RCAN2: variants seen among roughly 807,000 people sequenced by gnomAD.
RCAN2 encodes the protein calcipressin-2.
A neutral mutation model predicts 23.6 loss-of-function variants in RCAN2; 9 were observed. The observed-to-expected ratio is 0.38, with a 90% CI of 0.23 to 0.67. RCAN2 has a LOEUF of 0.67. RCAN2 is among the 30% of genes least tolerant of loss of function. The pLI, the probability that RCAN2 is intolerant of heterozygous loss-of-function variation, is 0.51. For missense variants in RCAN2, 273 were observed against 302.3 expected (o/e 0.90, Z 0.72); for synonymous variants, 109 against 115.7 (o/e 0.94, Z 0.37).
intron 2 of RCAN2, among the ~76,000 whole-genome samples, chr6:46,372,741 T>A (rs1298777761): frequency 6.6e-6 from 1 of 152,206 alleles, no homozygotes; most frequent in East Asian, 1.9e-4. Context: ...ATAAGAGAAG[T>A]CCTGGAGCAA....
In RCAN2 at chr6:46,333,053, TG is replaced by T. The variant is rs1479723887; in HGVS notation, c.226-84158del. Among the ~76,000 whole-genome samples, 11 of 152,366 alleles carry T rather than the reference TG, an allele frequency of 7.2e-5. 1 individual carries two copies. The South Asian group carries it at 2.1e-3, about 29-fold the overall frequency. On this transcript the variant is annotated intron_variant, in intron 2 of 4. Transcript: ENST00000371374. ...GTGGTTTTGATTTCCATTTCTCTGA[TG>T]GCCAGTGATGATGAGCATTTTTTCA...
chr6:46,307,576 T>C (rs952725468), intron 2 of RCAN2, among the ~76,000 whole-genome samples: 1 of 152,178 alleles, frequency 6.6e-6, no homozygotes, highest in African/African-American at 2.4e-5. Flanking sequence ...CAAATATATG[T>C]TGTGCTCCTG....
At chr6:46,286,207 CA>C (rs1224300765) in intron 2 of RCAN2, among the ~76,000 whole-genome samples, 1 of 152,162 alleles carries the variant, frequency 6.6e-6, no homozygotes, top group Admixed American at 6.5e-5. Flanking sequence ...TCCAACTGTT[CA>C]AACTGTTCGA....
At chr6:46,380,868 G>A (rs1765601208) in intron 2 of RCAN2, among the ~76,000 whole-genome samples, 1 of 151,794 alleles carries the variant, frequency 6.6e-6, no homozygotes, top group Admixed American at 6.6e-5. Context: ...TTTAAAATAA[G>A]GATAAAATAA....
At chr6:46,436,412 T>G (rs1046345637) in intron 2 of RCAN2, among the ~76,000 whole-genome samples, 30 of 152,104 alleles carry the variant, frequency 2.0e-4, no homozygotes, top group African/African-American at 7.0e-4. Flanking sequence ...ACGGGGTTTC[T>G]CCATGTTGGC....
chr6:46,446,660 G>A (rs913996584), intron 2 of RCAN2, among the ~76,000 whole-genome samples: 1 of 151,906 alleles, frequency 6.6e-6, no homozygotes, highest in Non-Finnish European at 1.5e-5. Flanking sequence ...ATTTGTTAAG[G>A]GATACATAAT....
chr6:46,407,240 C>T (rs1766429733), intron 2 of RCAN2, among the ~76,000 whole-genome samples: 1 of 152,150 alleles, frequency 6.6e-6, no homozygotes, highest in African/African-American at 2.4e-5. Context: ...CTTTCAGGAC[C>T]TTTGGTAGAG....
rs114250573 is a variant in RCAN2, at chr6:46,471,848, T to C, written c.-2-14870A>G. Among the ~76,000 whole-genome samples the C allele has an allele frequency of 9.3e-3, 1,418 of 152,188 alleles. 20 individuals carry two copies. Among genetic ancestry groups the C allele is most frequent in the African/African-American group, 0.032 (1,342 of 41,500 alleles). On this transcript the variant is annotated intron_variant, in intron 1 of 4. Transcript: ENST00000371374. ...GATAATACATGTAAAGCACTTAAAA[T>C]AGTATAGGAACCTTCTTCAACAGTC...
At chr6:46,433,263 T>C (rs1048919369) in intron 2 of RCAN2, among the ~76,000 whole-genome samples, 1 of 152,112 alleles carries the variant, frequency 6.6e-6, no homozygotes, top group African/African-American at 2.4e-5. Flanking sequence ...ATATACAGTA[T>C]AGTATAACCA....
chr6:46,261,773 G>T (rs1484058192), intron 2 of RCAN2, among the ~76,000 whole-genome samples: 1 of 152,108 alleles, frequency 6.6e-6, no homozygotes, highest in Non-Finnish European at 1.5e-5. Flanking sequence ...AAAATGTAGA[G>T]CCCAAATTAG....
chr6:46,470,690 T>C (rs929339460), intron 1 of RCAN2, among the ~76,000 whole-genome samples: 1 of 152,262 alleles, frequency 6.6e-6, no homozygotes, highest in Admixed American at 6.5e-5. Flanking sequence ...TTATTTTCCT[T>C]CTTCCAAATA....
intron 2 of RCAN2, among the ~76,000 whole-genome samples, chr6:46,401,182 C>A (rs1766238227): frequency 6.6e-6 from 1 of 152,184 alleles, no homozygotes. Flanking sequence ...TGTTCACTCA[C>A]AAAACTCTTC....
intron 2 of RCAN2, among the ~76,000 whole-genome samples, chr6:46,278,776 C>T (rs1490658032): frequency 6.6e-6 from 1 of 152,068 alleles, no homozygotes; most frequent in Non-Finnish European, 1.5e-5. Flanking sequence ...TTGCTGTTTC[C>T]TCATGATTAG....
At chr6:46,227,367 C>T (rs1765707702) in intron 4 of RCAN2, among the ~76,000 whole-genome samples, 2 of 152,286 alleles carry the variant, frequency 1.3e-5, no homozygotes, top group African/African-American at 4.8e-5. Context: ...ATGGTACCAG[C>T]TTTTCCTTGT....
intron 4 of RCAN2, among the ~76,000 whole-genome samples, chr6:46,245,920 A>C (rs548561568): frequency 2.0e-5 from 3 of 152,164 alleles, no homozygotes; most frequent in Non-Finnish European, 4.4e-5. Flanking sequence ...CAGCCCCTTC[A>C]ATTTCTATTA....
chr6:46,460,368 G>T (rs932846079), intron 1 of RCAN2, among the ~76,000 whole-genome samples: 1 of 152,148 alleles, frequency 6.6e-6, no homozygotes, highest in Admixed American at 6.5e-5. Context: ...AGCCTGGTTT[G>T]TCTTTTTTAA....
At chr6:46,395,109 G>A (rs562255413) in intron 2 of RCAN2, among the ~76,000 whole-genome samples, 4 of 152,262 alleles carry the variant, frequency 2.6e-5, no homozygotes, top group South Asian at 2.1e-4. Context: ...CTTCTGACAC[G>A]TCAAGTTTGA....
At chr6:46,343,157 T>A (rs1764380276) in intron 2 of RCAN2, among the ~76,000 whole-genome samples, 1 of 151,972 alleles carries the variant, frequency 6.6e-6, no homozygotes. Context: ...GAAAAAGACA[T>A]TATATACAGG....
At chr6:46,486,421 C>T (rs1768991669) in intron 1 of RCAN2, among the ~76,000 whole-genome samples, 1 of 152,198 alleles carries the variant, frequency 6.6e-6, no homozygotes, top group Non-Finnish European at 1.5e-5. Context: ...GAAATGACAG[C>T]ACCAGGATTG....
Sources: allele counts gnomAD v4.1 joint callset (sites outside exome capture counted in the v4.1 genomes callset), GRCh38; gene constraint gnomAD v4.1.1; transcripts MANE v1.5; gene names NCBI Gene and HGNC (gene_info 2026-07-23, HGNC 2026-07-21).